Variants in NXPE2 observed in about 807,000 individuals in gnomAD.
The protein encoded by NXPE2 is neurexophilin and PC-esterase domain family member 2.
In NXPE2, 34 loss-of-function variants were observed where a neutral mutation model predicts 34.4. The ratio of observed to expected loss-of-function variants is 0.99; its 90% CI spans 0.75 to 1.31. The LOEUF (loss-of-function observed/expected upper bound fraction) is 1.31. Among genes scored for constraint, NXPE2 ranks in the 40% most tolerant of loss-of-function variants. The pLI, the probability that NXPE2 is intolerant of heterozygous loss-of-function variation, is 0.00. For synonymous variants in NXPE2, 235 were observed against 231.3 expected (o/e 1.02, Z -0.15); for missense variants, 649 against 672.5 (o/e 0.97, Z 0.39).
chr11:114,473,564 G>T, the NXPE2 span, among the ~76,000 whole-genome samples: 2 of 152,128 alleles, frequency 1.3e-5, no homozygotes, highest in Non-Finnish European at 2.9e-5. Flanking sequence ...AAACACAGAG[G>T]TTATAAAACT....
chr11:114,746,869 A>G, the NXPE2 span, among the ~76,000 whole-genome samples: 2 of 131,248 alleles, frequency 1.5e-5, no homozygotes, highest in East Asian at 4.3e-4. Flanking sequence ...ACAAACAAAC[A>G]AACAAGCCAA....
the NXPE2 span, among the ~76,000 whole-genome samples, chr11:114,783,257 TAAAAC>T: frequency 6.6e-6 from 1 of 152,152 alleles, no homozygotes; most frequent in Admixed American, 6.5e-5. Flanking sequence ...AACCTAAAGT[TAAAAC>T]AAAGTTTGCA....
the NXPE2 span, among the ~76,000 whole-genome samples, chr11:114,486,999 T>C: frequency 1.3e-5 from 2 of 151,898 alleles, no homozygotes; most frequent in Non-Finnish European, 1.5e-5. Flanking sequence ...TGGTATTATG[T>C]ACATTTTAGG....
chr11:114,776,409 C>T, the NXPE2 span, among the ~76,000 whole-genome samples: 4 of 152,274 alleles, frequency 2.6e-5, no homozygotes, highest in African/African-American at 9.6e-5. Flanking sequence ...ACGGCCTTGC[C>T]TTGCGTGAAG....
the NXPE2 span, among the ~76,000 whole-genome samples, chr11:114,740,792 G>C: frequency 6.6e-6 from 1 of 152,050 alleles, no homozygotes. Flanking sequence ...TAATTATATT[G>C]CTGTCTATTT....
At chr11:114,627,187 C>G in the NXPE2 span, among the ~76,000 whole-genome samples, 1 of 151,932 alleles carries the variant, frequency 6.6e-6, no homozygotes, top group East Asian at 1.9e-4. Context: ...AGATACTCCT[C>G]GAGAAGAGCA....
At chr11:114,767,173 T>G in the NXPE2 span, among the ~76,000 whole-genome samples, 1 of 152,262 alleles carries the variant, frequency 6.6e-6, no homozygotes, top group African/African-American at 2.4e-5. Flanking sequence ...TACTTGCCAT[T>G]CCCATAATTT....
chr11:114,611,215 A>T, the NXPE2 span, among the ~76,000 whole-genome samples: 1 of 151,188 alleles, frequency 6.6e-6, no homozygotes, highest in Non-Finnish European at 1.5e-5. Flanking sequence ...GTAGTACTGC[A>T]TGGGTAACCA....
chr11:114,509,653 A>G, the NXPE2 span, among the ~76,000 whole-genome samples: 1 of 152,192 alleles, frequency 6.6e-6, no homozygotes, highest in African/African-American at 2.4e-5. Flanking sequence ...CATTATCCTT[A>G]GCAAACTAAC....
chr11:114,622,750 C>T, the NXPE2 span, among the ~76,000 whole-genome samples: 5 of 148,070 alleles, frequency 3.4e-5, no homozygotes, highest in South Asian at 6.5e-4. Context: ...TGTTACCCAG[C>T]GGATAAGTGT....
chr11:114,626,326 T>G, the NXPE2 span, among the ~76,000 whole-genome samples: 1 of 152,156 alleles, frequency 6.6e-6, no homozygotes, highest in African/African-American at 2.4e-5. Flanking sequence ...CAGCTGGAGA[T>G]CTGAGAATGG....
the NXPE2 span, among the ~76,000 whole-genome samples, chr11:114,606,384 C>T: frequency 6.6e-6 from 1 of 151,798 alleles, no homozygotes; most frequent in African/African-American, 2.4e-5. Context: ...AGTGTTGCCT[C>T]ATGGGTAACC....
At chr11:114,590,717 A>G in the NXPE2 span, among the ~76,000 whole-genome samples, 1 of 152,178 alleles carries the variant, frequency 6.6e-6, no homozygotes, top group Non-Finnish European at 1.5e-5. Context: ...CCTGAGTAAG[A>G]AACTTGATTT....
the NXPE2 span, among the ~76,000 whole-genome samples, chr11:114,801,475 A>G: frequency 6.6e-6 from 1 of 152,240 alleles, no homozygotes; most frequent in African/African-American, 2.4e-5. Context: ...GACCATGATA[A>G]GAAGCCTGGA....
chr11:114,749,959 T>C, the NXPE2 span, among the ~76,000 whole-genome samples: 6 of 152,162 alleles, frequency 3.9e-5, no homozygotes, highest in Admixed American at 2.6e-4. Context: ...TAGACTCTCT[T>C]CTCTCCTTCC....
intron 2 of NXPE2, among the ~76,000 whole-genome samples, chr11:114,685,489 G>T (rs1005505281): frequency 6.6e-6 from 1 of 152,122 alleles, no homozygotes. Context: ...CTCCCTAGAA[G>T]TCCCATCTCT....
In NXPE2 at chr11:114,705,944, G is replaced by A. The variant is rs1175429275; in HGVS notation, c.1092G>A (p.Met364Ile). ...DCLERKLIYL[M>I]GDSTLHQWIY... ...TGGAAAGAAAACTTATTTATCTCAT[G>A]GGAGATTCAACACTGCATCAGTGGA... is the stretch of plus-strand genomic sequence containing the variant. Residue 364 changes from methionine to isoleucine, a missense_variant, in exon 5 of 6, where the codon ATG becomes ATA. Physicochemically the swap from Met to Ile is conservative, Grantham distance 10 (BLOSUM62 1). Coordinates refer to ENST00000389586, the MANE Select transcript of NXPE2 (RefSeq NM_182495.6). The A allele has an allele frequency of 2.6e-6, 4 of 1,536,588 alleles. No homozygotes were observed. The African/African-American group carries it at 5.5e-5, about 21-fold the overall frequency.
At chr11:114,638,118 G>T in the NXPE2 span, among the ~76,000 whole-genome samples, 3 of 150,614 alleles carry the variant, frequency 2.0e-5, no homozygotes, top group Non-Finnish European at 3.0e-5. Flanking sequence ...ATGTAGATTT[G>T]GTCTTGTCAC....
chr11:114,602,442 T>G, the NXPE2 span, among the ~76,000 whole-genome samples: 1 of 133,908 alleles, frequency 7.5e-6, no homozygotes, highest in Non-Finnish European at 1.5e-5. Flanking sequence ...TTATAATATA[T>G]AATATATATT....
Sources: gnomAD v4.1 joint callset for allele counts (sites outside exome capture counted in the v4.1 genomes callset) on GRCh38, gnomAD v4.1.1 for gene constraint, MANE v1.5 for transcripts, NCBI Gene and HGNC (gene_info 2026-07-23, HGNC 2026-07-21) for gene names.